The following DHRS13 variants were observed in gnomAD, a reference collection of about 807,000 sequenced individuals.
The protein encoded by DHRS13 is dehydrogenase/reductase SDR family member 13.
DHRS13 carries 22 observed loss-of-function variants against 17.9 expected under a neutral mutation model. The ratio of observed to expected loss-of-function variants is 1.23; its 90% CI spans 0.88 to 1.75. The LOEUF is 1.75. DHRS13 is among the 40% of genes most tolerant of loss of function. The pLI is 0.00. For synonymous variants in DHRS13, 206 were observed against 220.4 expected, an observed-to-expected ratio of 0.93 and a Z score of 0.58; for missense variants, 483 against 519.9, an observed-to-expected ratio of 0.93 and a Z score of 0.69.
At position 28,901,961 on chromosome 17, in the gene DHRS13, A is replaced by C; in HGVS notation, c.247-345T>G. The C allele has an allele frequency of 4.7e-6, 1 of 211,476 alleles. No individual in the cohort carries two copies. Among genetic ancestry groups the C allele is most frequent in the Non-Finnish European group, 9.5e-6 (1 of 105,120 alleles). 13.1% of individuals were successfully genotyped at this position (211,476 alleles called of 1,614,324 possible). A position where few individuals can be genotyped will look rare whatever the true frequency, so the allele number is the denominator to read the frequency against. On this transcript the variant is annotated intron_variant, in intron 2 of 4. Coordinates refer to ENST00000378895, the MANE Select transcript of DHRS13 (RefSeq NM_144683.4). This position sits in a 1 kb window ranked among gnomAD's most constrained non-coding sequence, Gnocchi z 4.3. ...GTAGGTACTTGCTATTATTATTATCACCTCCTTTCCCCATTACCATTTACC... is the reference window on the plus strand; with the variant it reads ...GTAGGTACTTGCTATTATTATTATCCCCTCCTTTCCCCATTACCATTTACC...
At position 28,901,524 on chromosome 17, in the gene DHRS13, C is replaced by T. The variant is rs1261766155; in HGVS notation, c.339G>A (p.Glu113=). ...TGTGGATGAGGATGTCCAACCGTGG[C>T]TCAGAGCTCAGAAAGGCAGTGGCAA... ...RAFATAFLSS[E]PRLDILIHNA... Residue 113 remains glutamate, a synonymous_variant, in exon 3 of 5, where the codon GAG becomes GAA. Coordinates refer to ENST00000378895, the MANE Select transcript of DHRS13 (RefSeq NM_144683.4). The surrounding 1 kb of genome is among the most constrained non-coding windows in gnomAD (Gnocchi z 4.3). 6.2e-7 allele frequency: 1 copy of T among 1,614,192 alleles called. No individual in the cohort carries two copies. The highest frequency in any genetic ancestry group is 8.5e-7 in the Non-Finnish European group (1 of 1,180,036).
In DHRS13 at chr17:28,899,759, G is replaced by A. The variant is rs1436613400; in HGVS notation, c.683-867C>T. Among the ~76,000 whole-genome samples the A allele has an allele frequency of 6.6e-6, 1 of 152,190 alleles. No individual in the cohort carries two copies. The highest frequency in any genetic ancestry group is 1.5e-5 in the Non-Finnish European group (1 of 68,024). On this transcript the variant is annotated intron_variant, in intron 4 of 4. Transcript: ENST00000378895. This position sits in a 1 kb window ranked among gnomAD's most constrained non-coding sequence, Gnocchi z 4.7. ...GTCTCGCTCTGTCACCCAGGCTGGA[G>A]TACAGTGGCGAGATCTCAGCTTACT...
chr17:28,903,058 C>G lies in DHRS13; in HGVS notation c.-114G>C, dbSNP rs1400007274. On this transcript the variant is annotated 5_prime_UTR_variant, in exon 1 of 5. Coordinates refer to ENST00000378895, the MANE Select transcript of DHRS13 (RefSeq NM_144683.4). This position sits in a 1 kb window ranked among gnomAD's most constrained non-coding sequence, Gnocchi z 4.8. ...AACGGCGCCCGGGCGCGTCAGCCTC[C>G]GAAGGCGGAGGCGGGCAGGAGGCTG... 4.0e-6 allele frequency: 4 copies of G among 993,886 alleles called. No homozygotes were observed. The highest frequency in any genetic ancestry group is 4.3e-5 in the South Asian group (1 of 23,210). 61.6% of individuals were successfully genotyped at this position (993,886 alleles called of 1,614,324 possible). A position where few individuals can be genotyped will look rare whatever the true frequency, so the allele number is the denominator to read the frequency against.
rs367545348 is a variant in DHRS13 at position 28,898,718 on chromosome 17, T to A, written c.857A>T (p.His286Leu). ...PLSGRYFANC[H>L]VEEVPPAARD... ...GGCAGCTGGAGGCACCTCTTCCACA[T>A]GGCAGTTGGCAAAATATCTCCCACT... The change falls in exon 5 of 5, where the codon CAT becomes CTT. Residue 286 changes from histidine to leucine, a missense_variant. His to Leu is a moderately conservative substitution (Grantham distance 99). Coordinates refer to ENST00000378895, the MANE Select transcript of DHRS13 (RefSeq NM_144683.4). The A allele has an allele frequency of 1.9e-6, 3 of 1,613,974 alleles. No individual in the cohort carries two copies. The African/African-American group carries it at 4.0e-5, about 22-fold the overall frequency.
At position 28,901,128 on chromosome 17, in the gene DHRS13, G is replaced by A. The variant is rs561790109; in HGVS notation, c.544C>T (p.Arg182Cys). 41 of 1,614,154 alleles carry A rather than the reference G, an allele frequency of 2.5e-5. No individual in the cohort carries two copies. In the African/African-American group the frequency reaches 2.8e-4, roughly 11 times the overall value. Residue 182 changes from arginine to cysteine, a missense_variant, in exon 4 of 5, where the codon CGC (arginine) becomes TGC (cysteine). Transcript: ENST00000378895. This position sits in a 1 kb window ranked among gnomAD's most constrained non-coding sequence, Gnocchi z 4.3. ...AHCRGRLDFK[R>C]LDRPVVGWRQ... ...CAGCCCACCACTGGGCGGTCCAGGC[G>A]TTTGAAGTCAAGACGTCCCCGACAG...
chr17:28,902,016 T>C lies in DHRS13; in HGVS notation c.247-400A>G. 1 of 180,638 alleles carries C rather than the reference T, an allele frequency of 5.5e-6. No homozygotes were observed. The highest frequency in any genetic ancestry group is 1.0e-4 in the South Asian group (1 of 9,890). 11.2% of individuals were successfully genotyped at this position (180,638 alleles called of 1,614,324 possible). A position where few individuals can be genotyped will look rare whatever the true frequency, so the allele number is the denominator to read the frequency against. On this transcript the variant is annotated intron_variant, in intron 2 of 4. Coordinates refer to ENST00000378895, the MANE Select transcript of DHRS13 (RefSeq NM_144683.4). This position sits in a 1 kb window ranked among gnomAD's most constrained non-coding sequence, Gnocchi z 4.0. ...AATCTGTAACTTCTCACTGGTCTCC[T>C]CTCTCCCGCTCTTGCCCCCCCACTC...
rs1205586623 is a variant in DHRS13, at chr17:28,901,324, G to C, written c.371-23C>G. The C allele has an allele frequency of 7.5e-6, 12 of 1,589,778 alleles. No individual in the cohort carries two copies. Among genetic ancestry groups the C allele is most frequent in the Non-Finnish European group, 1.0e-5 (12 of 1,166,350 alleles). On this transcript the variant is annotated intron_variant, in intron 3 of 4. Transcript: ENST00000378895. This position sits in a 1 kb window ranked among gnomAD's most constrained non-coding sequence, Gnocchi z 4.3. ...TACCTGGGGCAGAGGCTAAATGTGAGCGGCTGCTCCAGAAGGAGCTCTGCA... is the reference window on the plus strand; with the variant it reads ...TACCTGGGGCAGAGGCTAAATGTGACCGGCTGCTCCAGAAGGAGCTCTGCA...
chr17:28,898,848 G>C lies in DHRS13; in HGVS notation c.727C>G (p.Leu243Val). 6.2e-7 allele frequency: 1 copy of C among 1,604,208 alleles called. No homozygotes were observed. The highest frequency in any genetic ancestry group is 8.5e-7 in the Non-Finnish European group (1 of 1,174,988). The change falls in exon 5 of 5, where the codon CTG becomes GTG. Residue 243 changes from leucine (L) to valine (V), a missense_variant. Physicochemically the swap from Leu to Val is conservative, Grantham distance 32. Transcript: ENST00000378895. ...GCCAATGGGCGCAAAAGTGGGCGCA[G>C]CCATCCAGGAACATGGCGCAGGAAC... ...ELFLRHVPGW[L>V]RPLLRPLAWL...
In DHRS13 at chr17:28,902,513, C is replaced by T; in HGVS notation, c.246+70G>A. ...CCCTGGACCCGGATCCTCCGCAGCC[C>T]CTTTGCTGGCTTCTCTGTGTCCCGG... On this transcript the variant is annotated intron_variant, in intron 2 of 4. Coordinates refer to ENST00000378895, the MANE Select transcript of DHRS13 (RefSeq NM_144683.4). The surrounding 1 kb of genome is among the most constrained non-coding windows in gnomAD (Gnocchi z 4.0). 7.3e-7 allele frequency: 1 copy of T among 1,371,628 alleles called. No individual in the cohort carries two copies. The highest frequency in any genetic ancestry group is 9.5e-7 in the Non-Finnish European group (1 of 1,055,760). 85.0% of individuals were successfully genotyped at this position (1,371,628 alleles called of 1,614,324 possible). A position where few individuals can be genotyped will look rare whatever the true frequency, so the allele number is the denominator to read the frequency against.
Position 28,902,482 on chromosome 17 carries a change from T to C in DHRS13, c.246+101A>G. 1.7e-6 allele frequency: 2 copies of C among 1,198,682 alleles called. No individual in the cohort carries two copies. The highest frequency in any genetic ancestry group is 3.8e-5 in the South Asian group (2 of 51,976). The allele number at this position is 1,198,682 out of a possible 1,614,324, so 74.3% of individuals were successfully genotyped here. On this transcript the variant is annotated intron_variant, in intron 2 of 4. Coordinates refer to ENST00000378895, the MANE Select transcript of DHRS13 (RefSeq NM_144683.4). This position sits in a 1 kb window ranked among gnomAD's most constrained non-coding sequence, Gnocchi z 4.0. ...TCGCGCTCAGCCGCCCGCGCCGCGC[T>C]CTCCTCCCTGGACCCGGATCCTCCG...
At position 28,899,102 on chromosome 17, in the gene DHRS13, TCAAGGGAACCAGGATAG is replaced by T. The variant is rs1429998644; in HGVS notation, c.683-227_683-211del. ...AGAAGAACAGGGACAGAATCTGGTT[TCAAGGGAACCAGGATAG>T]TATTTACCAGGCATTCGGGGCTTCT... On this transcript the variant is annotated intron_variant, in intron 4 of 4. Coordinates refer to ENST00000378895, the MANE Select transcript of DHRS13 (RefSeq NM_144683.4). This position sits in a 1 kb window ranked among gnomAD's most constrained non-coding sequence, Gnocchi z 4.7. 5.6e-6 allele frequency: 3 copies of T among 532,498 alleles called. No individual in the cohort carries two copies. In the African/African-American group the frequency reaches 5.9e-5, roughly 11 times the overall value. 33.0% of individuals were successfully genotyped at this position (532,498 alleles called of 1,614,324 possible).
In DHRS13 at chr17:28,899,193, C is replaced by A; in HGVS notation, c.683-301G>T. On this transcript the variant is annotated intron_variant, in intron 4 of 4. Transcript: ENST00000378895. The surrounding 1 kb of genome is among the most constrained non-coding windows in gnomAD (Gnocchi z 4.7). ...TGCATGAAGCCTCTTCGCTTCCATCCAGACTGCTTGTTCACCCCACATCCC... is the reference window on the plus strand; with the variant it reads ...TGCATGAAGCCTCTTCGCTTCCATCAAGACTGCTTGTTCACCCCACATCCC... 1 of 292,616 alleles carries A rather than the reference C, an allele frequency of 3.4e-6. No homozygotes were observed. Among genetic ancestry groups the A allele is most frequent in the South Asian group, 5.0e-5 (1 of 19,860 alleles). The allele number at this position is 292,616 out of a possible 1,614,324, so 18.1% of individuals were successfully genotyped here. A position where few individuals can be genotyped will look rare whatever the true frequency, so the allele number is the denominator to read the frequency against.
Position 28,898,330 on chromosome 17 carries a change from T to A in DHRS13, c.*111A>T. 1 of 1,302,000 alleles carries A rather than the reference T, an allele frequency of 7.7e-7. No homozygotes were observed. Among genetic ancestry groups the A allele is most frequent in the South Asian group, 1.4e-5 (1 of 69,450 alleles). The allele number at this position is 1,302,000 out of a possible 1,614,324, so 80.7% of individuals were successfully genotyped here. A position where few individuals can be genotyped will look rare whatever the true frequency, so the allele number is the denominator to read the frequency against. On this transcript the variant is annotated 3_prime_UTR_variant, in exon 5 of 5. Coordinates refer to ENST00000378895, the MANE Select transcript of DHRS13 (RefSeq NM_144683.4). The stretch of plus-strand genomic sequence containing the variant: ...GGGCACAGCTTGGGGCCCCAGAAAG[T>A]AACCACGGAGGTCAAGATCACAAAC...
At position 28,902,562 on chromosome 17, in the gene DHRS13, C is replaced by G; in HGVS notation, c.246+21G>C. The G allele has an allele frequency of 6.8e-7, 1 of 1,469,664 alleles. No homozygotes were observed. The highest frequency in any genetic ancestry group is 1.3e-5 in the South Asian group (1 of 76,968). 91.0% of individuals were successfully genotyped at this position (1,469,664 alleles called of 1,614,324 possible). On this transcript the variant is annotated intron_variant, in intron 2 of 4. Transcript: ENST00000378895. This position sits in a 1 kb window ranked among gnomAD's most constrained non-coding sequence, Gnocchi z 4.0. Reference sequence around the variant, plus strand: ...GGCGGGTTCTCGGCTCACCGTCCCACGCGCCCCCGCTGCCTCTCACCTGGC... The same window carrying G: ...GGCGGGTTCTCGGCTCACCGTCCCAGGCGCCCCCGCTGCCTCTCACCTGGC...
intron 4 of DHRS13, among the ~76,000 whole-genome samples, 171 bp downstream of exon 4, chr17:28,900,819 G>A (rs2039799066): frequency 6.6e-6 from 1 of 152,120 alleles, no homozygotes; most frequent in African/African-American, 2.4e-5. Flanking sequence ...AGGAGAACCT[G>A]GTTCCAAGAG....
chr17:28,901,384 G>A lies in DHRS13; in HGVS notation c.371-83C>T. 3 of 1,588,682 alleles carry A rather than the reference G, an allele frequency of 1.9e-6. No homozygotes were observed. The highest frequency in any genetic ancestry group is 1.7e-5 in the Admixed American group (1 of 57,512). On this transcript the variant is annotated intron_variant, in intron 3 of 4. Coordinates refer to ENST00000378895, the MANE Select transcript of DHRS13 (RefSeq NM_144683.4). This position sits in a 1 kb window ranked among gnomAD's most constrained non-coding sequence, Gnocchi z 4.3. The stretch of plus-strand genomic sequence containing the variant: ...TCCCTATCTATGAGATGGGAGAAGG[G>A]GGCATCCTTCCCATGTGTCCACTGG...
In DHRS13 at chr17:28,898,109, G is replaced by C. The variant is rs535731470; in HGVS notation, c.*332C>G. The C allele has an allele frequency of 8.9e-6, 3 of 338,070 alleles. No individual in the cohort carries two copies. The South Asian group carries it at 9.8e-5, about 11-fold the overall frequency. 20.9% of individuals were successfully genotyped at this position (338,070 alleles called of 1,614,324 possible). On this transcript the variant is annotated 3_prime_UTR_variant, in exon 5 of 5. Transcript: ENST00000378895. ...AGTTCACTAATTCTCAATGTTGGCA[G>C]TGCATCACATTGCAAACTCCCTGCC...
intron 4 of DHRS13, among the ~76,000 whole-genome samples, chr17:28,900,683 C>G (rs1010280439): frequency 6.6e-6 from 1 of 152,162 alleles, no homozygotes; most frequent in African/African-American, 2.4e-5. Context: ...TAGCTATCAT[C>G]ATCATCATTA....
chr17:28,901,840 G>A lies in DHRS13; in HGVS notation c.247-224C>T. 1.6e-6 allele frequency: 1 copy of A among 607,780 alleles called. No homozygotes were observed. The highest frequency in any genetic ancestry group is 2.8e-6 in the Non-Finnish European group (1 of 362,168). The allele number at this position is 607,780 out of a possible 1,614,324, so 37.6% of individuals were successfully genotyped here. On this transcript the variant is annotated intron_variant, in intron 2 of 4. Coordinates refer to ENST00000378895, the MANE Select transcript of DHRS13 (RefSeq NM_144683.4). This position sits in a 1 kb window ranked among gnomAD's most constrained non-coding sequence, Gnocchi z 4.3. ...CTCTCTGGGTCTCAGTTCTCTCACT[G>A]CGTAAAGGGAATAATAATAACAACA...
Sources: gnomAD v4.1 joint callset for allele counts (sites outside exome capture counted in the v4.1 genomes callset) on GRCh38, gnomAD v4.1.1 for gene constraint, Gnocchi (gnomAD v3.1) non-coding constraint, MANE v1.5 for transcripts, NCBI Gene and HGNC (gene_info 2026-07-23, HGNC 2026-07-21) for gene names.